Variants in MB21D2 observed in about 807,000 individuals in gnomAD.
The protein encoded by MB21D2 is nucleotidyltransferase MB21D2.
Under a neutral mutation model 33.3 loss-of-function variants are expected in MB21D2, and 9 were observed. The observed-to-expected ratio is 0.27, with a 90% CI of 0.16 to 0.47. MB21D2 has a LOEUF of 0.47. MB21D2 is among the 20% of genes least tolerant of loss of function. The pLI is 0.99. For synonymous variants in MB21D2, 241 were observed against 236.3 expected (o/e 1.02, Z -0.18); for missense variants, 540 against 624.6 (o/e 0.86, Z 1.44).
chr3:192,831,795 T>C (rs1712320557), intron 1 of MB21D2, among the ~76,000 whole-genome samples: 1 of 152,114 alleles, frequency 6.6e-6, no homozygotes, highest in South Asian at 2.1e-4. Context: ...TACACAGAGA[T>C]GGTGTAAGGA....
chr3:192,875,176 C>T (rs186429758), intron 1 of MB21D2, among the ~76,000 whole-genome samples: 1 of 152,330 alleles, frequency 6.6e-6, no homozygotes, highest in African/African-American at 2.4e-5. Flanking sequence ...CCTCCATTAC[C>T]ATTTTTATTA....
Position 192,815,585 on chromosome 3 carries a change from G to A in MB21D2, c.212-15935C>T, listed in dbSNP as rs1354625. On this transcript the variant is annotated intron_variant, in intron 1 of 1. Transcript: ENST00000392452. ...TTAGAGGAAGGAATTTACTGTCTCA[G>A]TAATTCTCTAAGATCTTGAAGAGCT... Among the ~76,000 whole-genome samples the A allele has an allele frequency of 1.6e-4, 25 of 152,150 alleles. No homozygotes were observed. In the South Asian group the frequency reaches 3.5e-3, roughly 21 times the overall value.
intron 1 of MB21D2, among the ~76,000 whole-genome samples, chr3:192,892,381 C>A (rs555894875): frequency 2.6e-4 from 39 of 152,322 alleles, no homozygotes; most frequent in African/African-American, 8.7e-4. Context: ...CCTCTAGTAG[C>A]AAATACATGC....
At chr3:192,916,715 G>A (rs1016525051) in intron 1 of MB21D2, among the ~76,000 whole-genome samples, 5 of 152,174 alleles carry the variant, frequency 3.3e-5, no homozygotes, top group Admixed American at 1.3e-4. Context: ...CGGTCTCCCG[G>A]GCCTGGCTCA....
At chr3:192,866,990 T>C (rs1489250324) in intron 1 of MB21D2, among the ~76,000 whole-genome samples, 1 of 152,150 alleles carries the variant, frequency 6.6e-6, no homozygotes, top group Non-Finnish European at 1.5e-5. Flanking sequence ...TCCCTCCCTC[T>C]CAGCTTTCTC....
intron 1 of MB21D2, among the ~76,000 whole-genome samples, chr3:192,866,039 T>G (rs923418005): frequency 2.7e-5 from 4 of 150,254 alleles, no homozygotes; most frequent in Non-Finnish European, 1.5e-5. Flanking sequence ...CAGAGGAAGA[T>G]CCTGTCTAAA....
chr3:192,867,077 A>G (rs1191092711), intron 1 of MB21D2, among the ~76,000 whole-genome samples: 1 of 152,134 alleles, frequency 6.6e-6, no homozygotes, highest in Non-Finnish European at 1.5e-5. Context: ...AAACTATTGC[A>G]ATATTAGGTT....
At chr3:192,803,897 A>G (rs1199093619) in intron 1 of MB21D2, among the ~76,000 whole-genome samples, 1 of 152,218 alleles carries the variant, frequency 6.6e-6, no homozygotes, top group African/African-American at 2.4e-5. Context: ...TGAGCTTGTT[A>G]GCAGCAAAAC....
At chr3:192,814,584 C>T (rs940748128) in intron 1 of MB21D2, among the ~76,000 whole-genome samples, 10 of 152,018 alleles carry the variant, frequency 6.6e-5, no homozygotes, top group Non-Finnish European at 1.0e-4. Context: ...AAGTCTTGGG[C>T]GGGCGCGGTG....
chr3:192,899,803 T>TA (rs1453044940), intron 1 of MB21D2, among the ~76,000 whole-genome samples: 1 of 54,034 alleles, frequency 1.9e-5, no homozygotes, highest in Non-Finnish European at 4.3e-5. Context: ...GCTGCCAAGT[T>TA]AGTGTCTTGG....
chr3:192,817,955 C>T (rs1026737460), intron 1 of MB21D2, among the ~76,000 whole-genome samples: 11 of 149,764 alleles, frequency 7.3e-5, no homozygotes, highest in Admixed American at 1.4e-4. Flanking sequence ...AGCCCCCAAA[C>T]GGATCCCCCA....
intron 1 of MB21D2, among the ~76,000 whole-genome samples, chr3:192,901,537 G>A (rs1252563894): frequency 8.0e-6 from 1 of 124,494 alleles, no homozygotes; most frequent in African/African-American, 3.0e-5. Flanking sequence ...ATCTCAAGCA[G>A]TTATTTCACC....
chr3:192,817,288 T>C lies in MB21D2; in HGVS notation c.212-17638A>G, dbSNP rs532972593. ...CAGTGCTTTGTAATGCAAGTAACTG[T>C]GTGTCAAGTAATGTGGGTTGAGTGG... On this transcript the variant is annotated intron_variant, in intron 1 of 1. Coordinates refer to ENST00000392452, the MANE Select transcript of MB21D2 (RefSeq NM_178496.4). Among the ~76,000 whole-genome samples, 15 of 152,302 alleles carry C rather than the reference T, an allele frequency of 9.8e-5. 1 individual carries two copies. The South Asian group carries it at 2.9e-3, about 29-fold the overall frequency.
At position 192,799,285 on chromosome 3, in the gene MB21D2, T is replaced by C; in HGVS notation, c.577A>G (p.Ser193Gly). ...KVADWFYDSI[S>G]IVLSEIQKKP... The stretch of plus-strand genomic sequence containing the variant: ...TTCTGTATTTCTGATAGGACAATGC[T>C]GATAGAGTCATAGAACCAGTCAGCC... The change falls in exon 2 of 2, where the codon AGC (serine) becomes GGC (glycine). Residue 193 changes from serine to glycine, a missense_variant. Transcript: ENST00000392452. This position sits in a 1 kb window ranked among gnomAD's most constrained non-coding sequence, Gnocchi z 4.1. 8 of 1,614,240 alleles carry C rather than the reference T, an allele frequency of 5.0e-6. No homozygotes were observed. Among genetic ancestry groups the C allele is most frequent in the Non-Finnish European group, 6.8e-6 (8 of 1,180,038 alleles).
intron 1 of MB21D2, among the ~76,000 whole-genome samples, chr3:192,905,471 T>C (rs1714189889): frequency 6.6e-6 from 1 of 151,508 alleles, no homozygotes; most frequent in Non-Finnish European, 1.5e-5. Flanking sequence ...ACCCCATCTA[T>C]ACTAAAAATA....
intron 1 of MB21D2, among the ~76,000 whole-genome samples, chr3:192,834,117 G>A (rs923314582): frequency 6.6e-6 from 1 of 152,042 alleles, no homozygotes; most frequent in African/African-American, 2.4e-5. Context: ...TGAATGAATC[G>A]AGTTCAGCAA....
At chr3:192,812,830 C>T (rs1021451868) in intron 1 of MB21D2, among the ~76,000 whole-genome samples, 1 of 151,310 alleles carries the variant, frequency 6.6e-6, no homozygotes, top group Admixed American at 6.6e-5. Flanking sequence ...AGTCTAATAC[C>T]TAATTTCTAA....
At chr3:192,884,982 T>G (rs1264020777) in intron 1 of MB21D2, among the ~76,000 whole-genome samples, 1 of 152,050 alleles carries the variant, frequency 6.6e-6, no homozygotes, top group Non-Finnish European at 1.5e-5. Flanking sequence ...CTGGCACAAT[T>G]CAGACCCTTA....
rs750758341 is a variant in MB21D2 at position 192,798,363 on chromosome 3, GA to G, written c.*22del. 3.5e-4 allele frequency: 514 copies of G among 1,460,190 alleles called. 1 individual carries two copies. The highest frequency in any genetic ancestry group is 1.2e-3 in the South Asian group (95 of 81,920). The allele number at this position is 1,460,190 out of a possible 1,614,324, so 90.5% of individuals were successfully genotyped here. A position where few individuals can be genotyped will look rare whatever the true frequency, so the allele number is the denominator to read the frequency against. On this transcript the variant is annotated 3_prime_UTR_variant, in exon 2 of 2. Coordinates refer to ENST00000392452, the MANE Select transcript of MB21D2 (RefSeq NM_178496.4). The surrounding 1 kb of genome is among the most constrained non-coding windows in gnomAD (Gnocchi z 4.8). ...CACATTATCAGAGTTTAAGAATCAG[GA>G]AAAAAAAAAGTCAGCTAACACTCAG...
Sources: gnomAD v4.1 joint callset for allele counts (sites outside exome capture counted in the v4.1 genomes callset) on GRCh38, gnomAD v4.1.1 for gene constraint, Gnocchi (gnomAD v3.1) non-coding constraint, MANE v1.5 for transcripts, NCBI Gene and HGNC (gene_info 2026-07-23, HGNC 2026-07-21) for gene names.